PREX1: variants seen among roughly 807,000 people sequenced by gnomAD.
PREX1 encodes the protein phosphatidylinositol-3,4,5-trisphosphate dependent Rac exchange factor 1.
Under a neutral mutation model 198.3 loss-of-function variants are expected in PREX1, and 41 were observed. The observed-to-expected ratio is 0.21, with a 90% confidence interval of 0.16 to 0.27. The LOEUF (loss-of-function observed/expected upper bound fraction) is 0.27, where lower values mean the gene tolerates loss of function less well. Ranked by LOEUF, PREX1 falls within the 10% of genes least tolerant of loss-of-function variation. The pLI, the probability that PREX1 is intolerant of heterozygous loss-of-function variation, is 1.00. For missense variants in PREX1, 1,620 were observed against 2,200.7 expected (o/e 0.74, Z 5.28); for synonymous variants, 843 against 887.2 (o/e 0.95, Z 0.89).
chr20:48,647,026 A>G (rs1436706269), intron 25 of PREX1, among the ~76,000 whole-genome samples: 2 of 152,234 alleles, frequency 1.3e-5, no homozygotes, highest in Non-Finnish European at 2.9e-5. Context: ...GGATCTCTTT[A>G]GCTCAAGACT....
At chr20:48,628,087 G>C (rs979342331) in intron 37 of PREX1, 124 bp from the exon 38 acceptor site, 1 of 694,508 alleles carries the variant, frequency 1.4e-6, no homozygotes, top group Non-Finnish European at 2.4e-6. Context: ...AGGCCTCCCA[G>C]ACCCAATCCT....
At chr20:48,679,595 G>T in intron 12 of PREX1, 56 bp downstream of exon 12, 1 of 1,513,834 alleles carries the variant, frequency 6.6e-7, no homozygotes, top group Non-Finnish European at 9.2e-7. Flanking sequence ...GGCGAACCCA[G>T]GGTGGAGGTG....
At chr20:48,726,140 C>T (rs1013061581) in intron 5 of PREX1, 150 bp downstream of exon 5, 6 of 638,162 alleles carry the variant, frequency 9.4e-6, no homozygotes, top group African/African-American at 3.7e-5. Context: ...GCAGGGTGAA[C>T]GAGAGAGAAA....
intron 2 of PREX1, among the ~76,000 whole-genome samples, chr20:48,747,312 G>C (rs1013829518): frequency 6.6e-6 from 1 of 152,164 alleles, no homozygotes; most frequent in African/African-American, 2.4e-5. Flanking sequence ...GCACACAGAA[G>C]GCCTATTGAT....
At chr20:48,699,095 G>A (rs1020540843) in intron 7 of PREX1, among the ~76,000 whole-genome samples, 3 of 152,166 alleles carry the variant, frequency 2.0e-5, no homozygotes, top group African/African-American at 4.8e-5. Context: ...GCCCACACAC[G>A]GGCATGGAGC....
intron 1 of PREX1, among the ~76,000 whole-genome samples, chr20:48,826,440 G>A (rs2090509159): frequency 6.6e-6 from 1 of 152,040 alleles, no homozygotes; most frequent in Non-Finnish European, 1.5e-5. Context: ...ATGCAGCATA[G>A]AATAGGGGTT....
intron 5 of PREX1, among the ~76,000 whole-genome samples, chr20:48,710,695 G>T (rs1159877663): frequency 6.6e-6 from 1 of 152,186 alleles, no homozygotes; most frequent in Non-Finnish European, 1.5e-5. Flanking sequence ...GAATTAAAGG[G>T]ACAATGAGTG....
At chr20:48,748,130 A>C (rs1360375790) in intron 1 of PREX1, among the ~76,000 whole-genome samples, 3 of 152,210 alleles carry the variant, frequency 2.0e-5, no homozygotes, top group Admixed American at 2.0e-4. Context: ...CTGGGCCCTG[A>C]AGATACAGCA....
chr20:48,636,792 G>T, intron 31 of PREX1, 109 bp from the exon 32 acceptor site: 2 of 920,092 alleles, frequency 2.2e-6, no homozygotes, highest in Non-Finnish European at 3.2e-6. Flanking sequence ...CCCAGCAAAG[G>T]GCTAACATCA....
chr20:48,657,043 T>C lies in PREX1; in HGVS notation c.2120A>G (p.Lys707Arg), dbSNP rs1304594253. 1.3e-6 allele frequency: 2 copies of C among 1,588,780 alleles called. No individual in the cohort carries two copies. The highest frequency in any genetic ancestry group is 1.1e-5 in the South Asian group (1 of 87,902). ...PLRLLVATKA[K>R]EIIKIPDQPD... Reference sequence around the variant, plus strand: ...CACCCCGCCCTGGGACACTCACTCTTTGGCCTTCGTGGCCACCAGGAGGCG... The same window carrying C: ...CACCCCGCCCTGGGACACTCACTCTCTGGCCTTCGTGGCCACCAGGAGGCG... Residue 707 changes from lysine (K) to arginine (R), a missense_variant, in exon 18 of 40, where the codon AAA (lysine) becomes AGA (arginine). Coordinates refer to ENST00000371941, the MANE Select transcript of PREX1 (RefSeq NM_020820.4).
chr20:48,764,000 A>G (rs548416839), intron 1 of PREX1, among the ~76,000 whole-genome samples: 3 of 152,338 alleles, frequency 2.0e-5, no homozygotes, highest in East Asian at 3.9e-4. Context: ...GCAGCTAAGC[A>G]GACAAAGCTG....
At chr20:48,727,860 G>A (rs1011116711) in intron 4 of PREX1, among the ~76,000 whole-genome samples, 1 of 152,174 alleles carries the variant, frequency 6.6e-6, no homozygotes, top group African/African-American at 2.4e-5. Context: ...TCACATTACA[G>A]GCACTACCCT....
chr20:48,679,760 G>T lies in PREX1; in HGVS notation c.1436-6C>A. On this transcript the variant is annotated splice_polypyrimidine_tract_variant and splice_region_variant and intron_variant, in intron 11 of 39. Transcript: ENST00000371941. Reference sequence around the variant, plus strand: ...GAACTGGTGCTTGTCGGAAACTGGAGAGACAGGAGGACCTGTGACGCTGGG... The same window carrying T: ...GAACTGGTGCTTGTCGGAAACTGGATAGACAGGAGGACCTGTGACGCTGGG... 6.2e-7 allele frequency: 1 copy of T among 1,602,084 alleles called. No individual in the cohort carries two copies. Among genetic ancestry groups the T allele is most frequent in the Non-Finnish European group, 8.6e-7 (1 of 1,169,086 alleles).
At chr20:48,697,002 A>ACACACACACC (rs1348724199) in intron 7 of PREX1, among the ~76,000 whole-genome samples, 6 of 146,052 alleles carry the variant, frequency 4.1e-5, no homozygotes, top group East Asian at 3.9e-4. Flanking sequence ...ACACACACAC[A>ACACACACACC]CCCTATTGGG....
intron 1 of PREX1, among the ~76,000 whole-genome samples, chr20:48,749,635 A>G (rs953812573): frequency 4.6e-5 from 7 of 152,086 alleles, no homozygotes; most frequent in African/African-American, 1.7e-4. Flanking sequence ...ACCTGCCCAG[A>G]CTCAAGCCTC....
chr20:48,734,612 G>T lies in PREX1; in HGVS notation c.453C>A (p.Asn151Lys), dbSNP rs368565739. 1 of 1,614,050 alleles carries T rather than the reference G, an allele frequency of 6.2e-7. No homozygotes were observed. The highest frequency in any genetic ancestry group is 1.3e-5 in the African/African-American group (1 of 74,916). The change falls in exon 4 of 40, where the codon AAC becomes AAA. Residue 151 changes from asparagine to lysine, a missense_variant. Asn to Lys is a moderately conservative substitution (Grantham distance 94). Coordinates refer to ENST00000371941, the MANE Select transcript of PREX1 (RefSeq NM_020820.4). Reference protein sequence around the residue: ...KFCVYEEYCSNHEKALRLLVE... With the variant: ...KFCVYEEYCSKHEKALRLLVE... Reference sequence around the variant, plus strand: ...CCAGCAGCCTCAGGGCTTTCTCATGGTTGCTGCAATACTCCTCGTACACGC... The same window carrying T: ...CCAGCAGCCTCAGGGCTTTCTCATGTTTGCTGCAATACTCCTCGTACACGC...
chr20:48,675,823 G>A (rs1415307932), intron 14 of PREX1, among the ~76,000 whole-genome samples: 1 of 152,188 alleles, frequency 6.6e-6, no homozygotes, highest in East Asian at 1.9e-4. Context: ...CAGATCACAA[G>A]GTCAGGAGTT....
chr20:48,831,138 C>T (rs2090536330), upstream of PREX1, among the ~76,000 whole-genome samples: 1 of 152,162 alleles, frequency 6.6e-6, no homozygotes, highest in Non-Finnish European at 1.5e-5. Flanking sequence ...GCTGCTGAAA[C>T]AGCAACATTG....
chr20:48,874,859 G>A, the PREX1 span, among the ~76,000 whole-genome samples: 9 of 151,486 alleles, frequency 5.9e-5, no homozygotes, highest in Non-Finnish European at 1.2e-4. Flanking sequence ...CCTGGGCAAC[G>A]GGAGTGAAAC....
Sources: allele counts gnomAD v4.1 joint callset (sites outside exome capture counted in the v4.1 genomes callset), GRCh38; gene constraint gnomAD v4.1.1; transcripts MANE v1.5; gene names NCBI Gene and HGNC (gene_info 2026-07-23, HGNC 2026-07-21).